Variants in ACAN observed in about 807,000 individuals in gnomAD.
The protein encoded by ACAN is aggrecan core protein.
Under a neutral mutation model 169.1 loss-of-function variants are expected in ACAN, and 47 were observed. That is an observed-to-expected ratio of 0.28 (90% CI 0.22 to 0.35). ACAN has a LOEUF of 0.35. Among genes scored for constraint, ACAN ranks in the 10% least tolerant of loss-of-function variants. The pLI is 1.00. For missense variants in ACAN, 2,716 were observed against 2,759.9 expected (o/e 0.98, Z 0.36); for synonymous variants, 1,115 against 1,112.2 (o/e 1.00, Z -0.05).
chr15:88,841,258 G>C lies in ACAN; in HGVS notation c.630-482G>C, dbSNP rs569357586. Among the ~76,000 whole-genome samples, 3 of 152,348 alleles carry C rather than the reference G, an allele frequency of 2.0e-5. No homozygotes were observed. In the East Asian group the frequency reaches 5.8e-4, roughly 29 times the overall value. ...AGTTTCTTCAAGTGTAAAGTAGATT[G>C]ATGATAGCACCTACCTCACTGGGTT... On this transcript the variant is annotated intron_variant, in intron 4 of 18. Transcript: ENST00000560601.
rs1438745602 is a variant in ACAN, at chr15:88,843,865, A to T, written c.1051+217A>T. On this transcript the variant is annotated intron_variant, in intron 6 of 18. Coordinates refer to ENST00000560601, the MANE Select transcript of ACAN (RefSeq NM_001369268.1). This position sits in a 1 kb window ranked among gnomAD's most constrained non-coding sequence, Gnocchi z 4.0. ...ACTGCAGCGTATCTAGCTCTGTCTC[A>T]TCGGATCAGCACAGACGAGGCTTAA... Among the ~76,000 whole-genome samples the T allele has an allele frequency of 6.6e-6, 1 of 152,212 alleles. No individual in the cohort carries two copies. The highest frequency in any genetic ancestry group is 1.5e-5 in the Non-Finnish European group (1 of 68,040).
rs746318703 is a variant in ACAN, at chr15:88,857,506, G to A, written c.4921G>A (p.Gly1641Ser). 1 of 1,613,908 alleles carries A rather than the reference G, an allele frequency of 6.2e-7. No homozygotes were observed. Among genetic ancestry groups the A allele is most frequent in the Non-Finnish European group, 8.5e-7 (1 of 1,179,898 alleles). Residue 1641 changes from glycine to serine, a missense_variant, in exon 12 of 19, where the codon GGC becomes AGC. Physicochemically the swap from Gly to Ser is moderately conservative, Grantham distance 56. Coordinates refer to ENST00000560601, the MANE Select transcript of ACAN (RefSeq NM_001369268.1). ...GTATTCTGGGGTGGACCTTGGAAGTGGCCCACCCTCTGGCCTGCCTGACTT... is the reference window on the plus strand; with the variant it reads ...GTATTCTGGGGTGGACCTTGGAAGTAGCCCACCCTCTGGCCTGCCTGACTT... The part of the protein sequence containing the change: ...GEYSGVDLGS[G>S]PPSGLPDFSG...
intron 1 of ACAN, among the ~76,000 whole-genome samples, chr15:88,806,777 T>A (rs1409331954): frequency 6.6e-6 from 1 of 152,036 alleles, no homozygotes; most frequent in Non-Finnish European, 1.5e-5. Flanking sequence ...CCACTTTGAG[T>A]CTGTCTCTGC....
rs144735602 is a variant in ACAN, at chr15:88,828,156, A to C, written c.-7-8044A>C. ...GAGGTTTCCAGGCGGTGGCATTTGC[A>C]TGGGGCCTCAAGGAAGGTGGGAATA... On this transcript the variant is annotated intron_variant, in intron 1 of 18. Transcript: ENST00000560601. Among the ~76,000 whole-genome samples, 410 of 152,268 alleles carry C rather than the reference A, an allele frequency of 2.7e-3. 8 individuals are homozygous for C. The South Asian group carries it at 0.047, about 17-fold the overall frequency.
chr15:88,865,875 G>T (rs1453079629), intron 13 of ACAN, among the ~76,000 whole-genome samples: 2 of 152,286 alleles, frequency 1.3e-5, no homozygotes, highest in Middle Eastern at 3.4e-3. Context: ...CCCCACACCG[G>T]ACACCTGGCC....
intron 1 of ACAN, among the ~76,000 whole-genome samples, chr15:88,826,309 G>A (rs950126331): frequency 1.3e-5 from 2 of 151,890 alleles, no homozygotes; most frequent in Non-Finnish European, 2.9e-5. Context: ...ACCCCTGGAG[G>A]AAGTTAACAG....
chr15:88,836,531 G>A (rs945122179), intron 2 of ACAN, among the ~76,000 whole-genome samples: 6 of 152,208 alleles, frequency 3.9e-5, no homozygotes, highest in African/African-American at 1.2e-4. Context: ...CAGCTGGCAG[G>A]GAGAGCTCCC....
rs151199917 is a variant in ACAN at position 88,829,421 on chromosome 15, G to A, written c.-7-6779G>A. On this transcript the variant is annotated intron_variant, in intron 1 of 18. Coordinates refer to ENST00000560601, the MANE Select transcript of ACAN (RefSeq NM_001369268.1). ...TCCCGTTTCTATACCATCCCACCAC[G>A]TCTGTTTAGAATATGTGGGAAGTTA... Among the ~76,000 whole-genome samples the A allele has an allele frequency of 4.2e-4, 64 of 152,096 alleles. 1 individual carries two copies. The highest frequency in any genetic ancestry group is 1.5e-4 in the Non-Finnish European group (10 of 68,016).
In ACAN at chr15:88,838,591, A is replaced by G; in HGVS notation, c.71-72A>G. On this transcript the variant is annotated intron_variant, in intron 2 of 18. Coordinates refer to ENST00000560601, the MANE Select transcript of ACAN (RefSeq NM_001369268.1). The surrounding 1 kb of genome is among the most constrained non-coding windows in gnomAD (Gnocchi z 5.1). ...CTCAGGAGAGTGCATTGCTGGAAGGATGGATGGGGAGGCGGGGTGGTCCTC... is the reference window on the plus strand; with the variant it reads ...CTCAGGAGAGTGCATTGCTGGAAGGGTGGATGGGGAGGCGGGGTGGTCCTC... 7.3e-6 allele frequency: 11 copies of G among 1,499,852 alleles called. No individual in the cohort carries two copies. The highest frequency in any genetic ancestry group is 9.9e-6 in the Non-Finnish European group (11 of 1,113,186). The allele number at this position is 1,499,852 out of a possible 1,614,324, so 92.9% of individuals were successfully genotyped here. A position where few individuals can be genotyped will look rare whatever the true frequency, so the allele number is the denominator to read the frequency against.
intron 7 of ACAN, 128 bp from the exon 8 acceptor site, chr15:88,847,115 C>T (rs1179328315): frequency 3.6e-5 from 38 of 1,070,348 alleles, no homozygotes; most frequent in Non-Finnish European, 4.9e-5. Context: ...AGTGGGATTT[C>T]AGCCTGCATT....
intron 1 of ACAN, among the ~76,000 whole-genome samples, chr15:88,806,787 C>T (rs907322944): frequency 5.9e-5 from 9 of 152,160 alleles, no homozygotes; most frequent in African/African-American, 1.9e-4. Flanking sequence ...TCTGTCTCTG[C>T]TGCTGCAGGG....
Position 88,857,500 on chromosome 15 carries a change from G to A in ACAN, c.4915G>A (p.Gly1639Arg). 6.2e-7 allele frequency: 1 copy of A among 1,613,910 alleles called. No homozygotes were observed. The highest frequency in any genetic ancestry group is 1.7e-5 in the Admixed American group (1 of 60,034). Residue 1639 changes from glycine to arginine, a missense_variant, in exon 12 of 19, where the codon GGA (glycine) becomes AGA (arginine). Gly to Arg is a moderately radical substitution (Grantham distance 125). Coordinates refer to ENST00000560601, the MANE Select transcript of ACAN (RefSeq NM_001369268.1). Reference protein sequence around the residue: ...FSGEYSGVDLGSGPPSGLPDF... With the variant: ...FSGEYSGVDLRSGPPSGLPDF... ...TGGTGAGTATTCTGGGGTGGACCTT[G>A]GAAGTGGCCCACCCTCTGGCCTGCC...
chr15:88,804,655 C>A (rs1035401411), intron 1 of ACAN, among the ~76,000 whole-genome samples: 11 of 152,182 alleles, frequency 7.2e-5, no homozygotes, highest in African/African-American at 2.2e-4. Flanking sequence ...AGTATGTCAA[C>A]TGAACCACAC....
chr15:88,855,369 G>T lies in ACAN; in HGVS notation c.2784G>T (p.Trp928Cys). Residue 928 changes from tryptophan to cysteine, a missense_variant, in exon 12 of 19, where the codon TGG becomes TGT. By Grantham distance (215) the Trp-to-Cys change is radical (BLOSUM62 -2). Transcript: ENST00000560601. ...LPSGDEERIE[W>C]PSTPTVGELP... ...CAGGGGATGAAGAGAGAATTGAGTG[G>T]CCCAGCACTCCTACGGTTGGTGAAC... The T allele has an allele frequency of 6.2e-7, 1 of 1,612,898 alleles. No homozygotes were observed. Among genetic ancestry groups the T allele is most frequent in the Non-Finnish European group, 8.5e-7 (1 of 1,179,176 alleles).
At chr15:88,808,258 G>A (rs1895735450) in intron 1 of ACAN, among the ~76,000 whole-genome samples, 1 of 152,184 alleles carries the variant, frequency 6.6e-6, no homozygotes, top group Non-Finnish European at 1.5e-5. Context: ...GCCCAAAGAG[G>A]GGAAGGATAT....
chr15:88,829,718 G>A (rs1373958427), intron 1 of ACAN, among the ~76,000 whole-genome samples: 1 of 152,166 alleles, frequency 6.6e-6, no homozygotes, highest in African/African-American at 2.4e-5. Context: ...TTAAGTCAGG[G>A]ACACAGAGCC....
At chr15:88,863,933 A>G (rs893826768) in intron 13 of ACAN, among the ~76,000 whole-genome samples, 3 of 152,262 alleles carry the variant, frequency 2.0e-5, no homozygotes, top group African/African-American at 7.2e-5. Flanking sequence ...GAACTTTGGG[A>G]GGCCGAGGCA....
intron 1 of ACAN, among the ~76,000 whole-genome samples, chr15:88,806,497 G>A (rs996071769): frequency 6.6e-6 from 1 of 151,892 alleles, no homozygotes; most frequent in South Asian, 2.1e-4. Flanking sequence ...GGTTACTTGT[G>A]TACCACCACG....
intron 1 of ACAN, among the ~76,000 whole-genome samples, chr15:88,829,221 G>A (rs533944694): frequency 8.9e-4 from 136 of 152,358 alleles, no homozygotes; most frequent in African/African-American, 3.2e-3. Flanking sequence ...AGAAGAGAAA[G>A]AGGAGGAAAT....
Sources: allele counts gnomAD v4.1 joint callset (sites outside exome capture counted in the v4.1 genomes callset), GRCh38; gene constraint gnomAD v4.1.1; non-coding constraint Gnocchi (gnomAD v3.1); transcripts MANE v1.5; gene names NCBI Gene and HGNC (gene_info 2026-07-23, HGNC 2026-07-21).